Variants in SYNRG observed in about 807,000 individuals in gnomAD.
The protein encoded by SYNRG is AP1 gamma subunit binding protein 1.
SYNRG carries 37 observed loss-of-function variants against 130.9 expected under a neutral mutation model. The observed-to-expected ratio is 0.28, with a 90% confidence interval of 0.22 to 0.37. The LOEUF (loss-of-function observed/expected upper bound fraction) is 0.37, where lower values mean the gene tolerates loss of function less well. SYNRG is among the 10% of genes least tolerant of loss of function. SYNRG has a pLI of 1.00. For synonymous variants in SYNRG, 539 were observed against 568.1 expected, an observed-to-expected ratio of 0.95 and a Z score of 0.73; for missense variants, 1,338 against 1,588.9, an observed-to-expected ratio of 0.84 and a Z score of 2.68.
chr17:37,530,047 T>C (rs2056457831), intron 19 of SYNRG, among the ~76,000 whole-genome samples: 1 of 152,182 alleles, frequency 6.6e-6, no homozygotes, highest in Non-Finnish European at 1.5e-5. Flanking sequence ...AACTCGACTG[T>C]TTATAACAAG....
chr17:37,549,627 G>A (rs917971538), intron 14 of SYNRG, among the ~76,000 whole-genome samples: 3 of 152,122 alleles, frequency 2.0e-5, no homozygotes, highest in Admixed American at 6.5e-5. Context: ...GTCTTGCTCT[G>A]TCACCCAGGC....
intron 10 of SYNRG, among the ~76,000 whole-genome samples, chr17:37,570,432 T>TGACATTAAATGACATTAA (rs2060337025): frequency 6.6e-6 from 1 of 152,196 alleles, no homozygotes; most frequent in Non-Finnish European, 1.5e-5. Context: ...TTAAATATTA[T>TGACATTAAATGACATTAA]ATATTTAAAA....
chr17:37,541,212 G>A (rs1226079924), intron 15 of SYNRG: 8 of 985,256 alleles, frequency 8.1e-6, no homozygotes, highest in African/African-American at 5.2e-5. Context: ...ATTTGTAACC[G>A]AGTTCCTTCA....
Position 37,570,424 on chromosome 17 carries a change from A to G in SYNRG, c.1347+213T>C, listed in dbSNP as rs1389881308. ...TTTACCCTACTTTTTCAATGACATTAAATATTATATATTTAAAACATTTTT... is the reference window on the plus strand; with the variant it reads ...TTTACCCTACTTTTTCAATGACATTGAATATTATATATTTAAAACATTTTT... On this transcript the variant is annotated intron_variant, in intron 10 of 21. Transcript: ENST00000612223. 2.0e-5 allele frequency among the ~76,000 whole-genome samples: 3 copies of G among 152,320 alleles called. No individual in the cohort carries two copies. In the East Asian group the frequency reaches 5.8e-4, roughly 29 times the overall value.
At chr17:37,579,347 C>A (rs867704303) in intron 6 of SYNRG, 2 of 1,304,136 alleles carry the variant, frequency 1.5e-6, no homozygotes, top group Admixed American at 2.3e-5. Flanking sequence ...TTCAACAGGC[C>A]CCTGCATAAA....
rs529866138 is a variant in SYNRG, at chr17:37,553,147, G to T, written c.2576C>A (p.Pro859Gln). 2.4e-5 allele frequency: 38 copies of T among 1,613,600 alleles called. No homozygotes were observed. The South Asian group carries it at 4.1e-4, about 17-fold the overall frequency. Residue 859 changes from proline (P) to glutamine (Q), a missense_variant, in exon 14 of 22, where the codon CCA becomes CAA. Pro to Gln is a moderately conservative substitution (Grantham distance 76). Coordinates refer to ENST00000612223, the MANE Select transcript of SYNRG (RefSeq NM_007247.6). ...AGGAGGATGCTGGCCACTAACTGTT[G>T]GTAAATCCAAAGAGCTATCAGACAT... The part of the protein sequence containing the change: ...HVMSDSSLDL[P>Q]TVSGQHPPAA...
In SYNRG at chr17:37,517,470, C is replaced by G. The variant is rs1040677700; in HGVS notation, c.*1470G>C. 6.6e-6 allele frequency: 1 copy of G among 151,880 alleles called. No individual in the cohort carries two copies. The highest frequency in any genetic ancestry group is 1.5e-5 in the Non-Finnish European group (1 of 68,024). 9.4% of individuals were successfully genotyped at this position (151,880 alleles called of 1,614,324 possible). On this transcript the variant is annotated 3_prime_UTR_variant, in exon 22 of 22. Transcript: ENST00000612223. ...TCGGGAGCGAGTGAGAAAAGCCTTT[C>G]TCTCCTCGGTGCCTCTCTGTGCATT...
At chr17:37,599,814 A>G (rs771331907) in intron 2 of SYNRG, among the ~76,000 whole-genome samples, 7 of 152,254 alleles carry the variant, frequency 4.6e-5, no homozygotes, top group South Asian at 2.1e-4. Flanking sequence ...TCAAAATTAT[A>G]TATTTATAAA....
Position 37,516,661 on chromosome 17 carries a change from CT to C in SYNRG, c.*2278del, listed in dbSNP as rs35105109. 0.071 allele frequency: 9,839 copies of C among 138,674 alleles called. 303 individuals are homozygous for C. The highest frequency in any genetic ancestry group is 0.11 in the Middle Eastern group (30 of 262). The allele number at this position is 138,674 out of a possible 1,614,324, so 8.6% of individuals were successfully genotyped here. A position where few individuals can be genotyped will look rare whatever the true frequency, so the allele number is the denominator to read the frequency against. On this transcript the variant is annotated 3_prime_UTR_variant, in exon 22 of 22. Coordinates refer to ENST00000612223, the MANE Select transcript of SYNRG (RefSeq NM_007247.6). Reference sequence around the variant, plus strand: ...AGCAATACAAATTCAAACTGGGAAACTTTTTTTTTTTTTTTTTTAAGAGACA... The same window carrying C: ...AGCAATACAAATTCAAACTGGGAAACTTTTTTTTTTTTTTTTTAAGAGACA...
intron 1 of SYNRG, among the ~76,000 whole-genome samples, chr17:37,608,764 G>A (rs1201628339): frequency 6.6e-6 from 1 of 152,124 alleles, no homozygotes; most frequent in Non-Finnish European, 1.5e-5. Context: ...GTTTGTCGCG[G>A]GTTAAGGAAA....
In SYNRG at chr17:37,546,190, C is replaced by A. The variant is rs371965431; in HGVS notation, c.2609-3625G>T. On this transcript the variant is annotated intron_variant, in intron 14 of 21. Transcript: ENST00000612223. ...TGATAGAAAAAATGATGTGGAATAA[C>A]CCACATTTTAGTTTGTAATCACTGA... 3.3e-5 allele frequency among the ~76,000 whole-genome samples: 5 copies of A among 152,212 alleles called. No homozygotes were observed. In the East Asian group the frequency reaches 5.8e-4, roughly 18 times the overall value.
intron 5 of SYNRG, 24 bp from the exon 6 acceptor site, chr17:37,584,783 T>C (rs1199630358): frequency 6.4e-7 from 1 of 1,559,458 alleles, no homozygotes; most frequent in East Asian, 2.3e-5. Context: ...AATATATGCG[T>C]ATTTCTTTAC....
At chr17:37,572,800 G>A (rs992261366) in intron 8 of SYNRG, among the ~76,000 whole-genome samples, 1 of 152,166 alleles carries the variant, frequency 6.6e-6, no homozygotes, top group Non-Finnish European at 1.5e-5. Context: ...AAAAAGGGGG[G>A]TACAGTTGGT....
chr17:37,534,030 G>C (rs768523587), intron 19 of SYNRG, among the ~76,000 whole-genome samples: 1 of 141,062 alleles, frequency 7.1e-6, no homozygotes, highest in Non-Finnish European at 1.5e-5. Context: ...CATTTCCCGG[G>C]TTCAAGCAAT....
intron 14 of SYNRG, among the ~76,000 whole-genome samples, chr17:37,550,675 A>G (rs908231368): frequency 2.0e-5 from 3 of 149,862 alleles, no homozygotes; most frequent in African/African-American, 7.5e-5. Context: ...CTAAATTGAA[A>G]AAAAGACATC....
chr17:37,602,488 G>C (rs1188356572), intron 1 of SYNRG, among the ~76,000 whole-genome samples: 7 of 152,180 alleles, frequency 4.6e-5, no homozygotes, highest in African/African-American at 1.7e-4. Flanking sequence ...GCTTATAACT[G>C]AGAGTTATAA....
At chr17:37,533,991 G>C (rs1258711881) in intron 19 of SYNRG, among the ~76,000 whole-genome samples, 1 of 122,284 alleles carries the variant, frequency 8.2e-6, no homozygotes, top group Non-Finnish European at 1.6e-5. Flanking sequence ...CTGGAATGCA[G>C]TGGCACGATC....
intron 6 of SYNRG, among the ~76,000 whole-genome samples, chr17:37,577,869 TTTG>T (rs2060976947): frequency 6.6e-6 from 1 of 151,398 alleles, no homozygotes; most frequent in South Asian, 2.1e-4. Flanking sequence ...TGGCTAATTT[TTTG>T]TATTTTTAGT....
chr17:37,578,975 A>C (rs1303960248), intron 6 of SYNRG, among the ~76,000 whole-genome samples: 2 of 152,262 alleles, frequency 1.3e-5, no homozygotes, highest in Admixed American at 6.5e-5. Context: ...CCCAGAACTT[A>C]AAAATCTAGA....
Sources: allele counts gnomAD v4.1 joint callset (sites outside exome capture counted in the v4.1 genomes callset), GRCh38; gene constraint gnomAD v4.1.1; transcripts MANE v1.5; gene names NCBI Gene and HGNC (gene_info 2026-07-23, HGNC 2026-07-21).